The following CEP112 variants were observed in gnomAD, a reference collection of about 807,000 sequenced individuals.
CEP112 encodes the protein centrosomal protein 112, also known as centrosomal protein of 112 kDa.
In CEP112, 127 loss-of-function variants were observed where a neutral mutation model predicts 153.0. The ratio of observed to expected loss-of-function variants is 0.83; its 90% confidence interval spans 0.72 to 0.96. The LOEUF (loss-of-function observed/expected upper bound fraction) is 0.96. Ranked by LOEUF, CEP112 falls within the 40% of genes least tolerant of loss-of-function variation. CEP112 has a pLI of 0.00. For synonymous variants in CEP112, 358 were observed against 374.4 expected (o/e 0.96, Z 0.51); for missense variants, 1,089 against 1,101.2 (o/e 0.99, Z 0.16).
intron 20 of CEP112, among the ~76,000 whole-genome samples, chr17:65,871,255 G>T (rs2058661734): frequency 6.6e-6 from 1 of 152,184 alleles, no homozygotes; most frequent in African/African-American, 2.4e-5. Flanking sequence ...TCATGGTGAT[G>T]ATGACTTCTT....
At chr17:66,088,370 A>G (rs1156725648) in intron 8 of CEP112, among the ~76,000 whole-genome samples, 1 of 152,056 alleles carries the variant, frequency 6.6e-6, no homozygotes, top group Admixed American at 6.5e-5. Context: ...CAGACTATTC[A>G]CAGCACGAGG....
intron 23 of CEP112, among the ~76,000 whole-genome samples, chr17:65,720,760 T>C (rs2049825773): frequency 6.6e-6 from 1 of 152,222 alleles, no homozygotes; most frequent in Non-Finnish European, 1.5e-5. Flanking sequence ...GTTACATAAA[T>C]ATATGTAGGA....
intron 20 of CEP112, among the ~76,000 whole-genome samples, chr17:65,872,295 A>G (rs1008964837): frequency 3.3e-5 from 5 of 152,146 alleles, no homozygotes; most frequent in Non-Finnish European, 7.4e-5. Flanking sequence ...TTCAAAAGGT[A>G]TAAATAGCTC....
At chr17:65,825,680 TATC>T (rs914414106) in intron 21 of CEP112, among the ~76,000 whole-genome samples, 11 of 152,140 alleles carry the variant, frequency 7.2e-5, no homozygotes, top group South Asian at 4.1e-4. Context: ...AAAAAATAGT[TATC>T]ATAACTTAAA....
intron 21 of CEP112, among the ~76,000 whole-genome samples, chr17:65,758,279 A>G (rs1428991159): frequency 6.6e-6 from 1 of 152,168 alleles, no homozygotes; most frequent in Non-Finnish European, 1.5e-5. Context: ...GTCCTCCTCC[A>G]GACAGTATTC....
At chr17:66,179,784 T>A (rs1197333335) in intron 2 of CEP112, among the ~76,000 whole-genome samples, 1 of 152,172 alleles carries the variant, frequency 6.6e-6, no homozygotes, top group East Asian at 1.9e-4. Context: ...AAGGAAAGGC[T>A]TTCAGTTTTT....
At chr17:65,985,268 T>C (rs2063365519) in intron 17 of CEP112, among the ~76,000 whole-genome samples, 1 of 152,140 alleles carries the variant, frequency 6.6e-6, no homozygotes. Context: ...TGGAGGAAGA[T>C]GCAATAATTG....
intron 23 of CEP112, among the ~76,000 whole-genome samples, chr17:65,732,089 A>G (rs2050540197): frequency 6.6e-6 from 1 of 152,212 alleles, no homozygotes; most frequent in African/African-American, 2.4e-5. Context: ...AGGAATTACC[A>G]TCTATGGCAG....
chr17:66,147,684 T>C lies in CEP112; in HGVS notation c.471-14921A>G, dbSNP rs928877367. On this transcript the variant is annotated intron_variant, in intron 4 of 26. Coordinates refer to ENST00000535342, the MANE Select transcript of CEP112 (RefSeq NM_001199165.4). Reference sequence around the variant, plus strand: ...CTTTGATCCATTTTTAGTTAATTTATATATGATGTAAAGTGAGAGTCCAAC... The same window carrying C: ...CTTTGATCCATTTTTAGTTAATTTACATATGATGTAAAGTGAGAGTCCAAC... 2.6e-5 allele frequency among the ~76,000 whole-genome samples: 4 copies of C among 152,340 alleles called. No homozygotes were observed. The South Asian group carries it at 8.3e-4, about 32-fold the overall frequency.
chr17:65,687,984 C>T (rs955050916), intron 24 of CEP112, among the ~76,000 whole-genome samples: 1 of 152,160 alleles, frequency 6.6e-6, no homozygotes, highest in African/African-American at 2.4e-5. Context: ...GAGGGCAATG[C>T]ATTTATAAAG....
chr17:65,638,367 G>A (rs918317005), intron 25 of CEP112, among the ~76,000 whole-genome samples: 2 of 152,176 alleles, frequency 1.3e-5, no homozygotes, highest in African/African-American at 2.4e-5. Context: ...GTATTTGATC[G>A]TTTCAGAATT....
chr17:65,865,903 G>A (rs75766478), intron 20 of CEP112, among the ~76,000 whole-genome samples: 8,329 of 151,982 alleles, frequency 0.055, 288 homozygotes, highest in African/African-American at 0.089. Context: ...GCCCTGAGGC[G>A]GAGCTGGGCC....
intron 21 of CEP112, among the ~76,000 whole-genome samples, chr17:65,788,246 G>T (rs1391865985): frequency 1.3e-5 from 2 of 152,092 alleles, no homozygotes; most frequent in Non-Finnish European, 2.9e-5. Context: ...TTGCATTCTT[G>T]CATTCAGTCC....
intron 18 of CEP112, among the ~76,000 whole-genome samples, chr17:65,938,423 A>AAAAAAAAAAGAAAG (rs1266395286): frequency 1.4e-5 from 2 of 146,742 alleles, no homozygotes; most frequent in Non-Finnish European, 3.0e-5. Context: ...ATAAAAAAAA[A>AAAAAAAAAAGAAAG]AAAAAAAAAG....
chr17:66,031,220 T>G (rs763916042), intron 12 of CEP112, among the ~76,000 whole-genome samples: 13 of 152,220 alleles, frequency 8.5e-5, no homozygotes, highest in Non-Finnish European at 1.8e-4. Context: ...ACACCCTTTA[T>G]GTCCTGCGTA....
In CEP112 at chr17:65,689,155, G is replaced by T; in HGVS notation, c.2671C>A (p.His891Asn). Residue 891 changes from histidine to asparagine, a missense_variant, in exon 24 of 27, where the codon CAC (histidine) becomes AAC (asparagine). Transcript: ENST00000535342. ...TGTTCCTGTGACTCCAATTCTTTGT[G>T]TTGTAATTTTTTCTCTGCACATCGC... ...QVRCAEKKLQ[H>N]KELESQEQIT... is the part of the protein sequence containing the mutation. 1 of 1,612,796 alleles carries T rather than the reference G, an allele frequency of 6.2e-7. No individual in the cohort carries two copies. The highest frequency in any genetic ancestry group is 8.5e-7 in the Non-Finnish European group (1 of 1,178,850).
chr17:66,059,864 C>T (rs2066853643), intron 11 of CEP112, among the ~76,000 whole-genome samples: 1 of 152,128 alleles, frequency 6.6e-6, no homozygotes, highest in Non-Finnish European at 1.5e-5. Flanking sequence ...CATTGCCATG[C>T]TATCCACAAC....
At chr17:65,779,368 G>A (rs892149961) in intron 21 of CEP112, among the ~76,000 whole-genome samples, 2 of 152,164 alleles carry the variant, frequency 1.3e-5, no homozygotes, top group African/African-American at 2.4e-5. Flanking sequence ...GGTAGGAAGT[G>A]AGCAAACATT....
chr17:65,920,362 A>AATATATATATATATATATATATATAT (rs55934550), intron 19 of CEP112, among the ~76,000 whole-genome samples: 16 of 42,778 alleles, frequency 3.7e-4, no homozygotes, highest in South Asian at 8.2e-4. Context: ...AAACAAACAA[A>AATATATATATATATATATATATATAT]ATATATATAT....
Sources: allele counts gnomAD v4.1 joint callset (sites outside exome capture counted in the v4.1 genomes callset), GRCh38; gene constraint gnomAD v4.1.1; transcripts MANE v1.5; gene names NCBI Gene and HGNC (gene_info 2026-07-23, HGNC 2026-07-21).